Variants in KLHL15 observed in about 807,000 individuals in gnomAD.
The protein encoded by KLHL15 is kelch like family member 15, also known as kelch-like protein 15.
KLHL15 carries 1 observed loss-of-function variant against 29.3 expected under a neutral mutation model. That is an observed-to-expected ratio of 0.03 (90% CI 0.01 to 0.16). The LOEUF is 0.16. KLHL15 is among the 10% of genes least tolerant of loss of function. KLHL15 has a pLI of 1.00. For missense variants in KLHL15, 215 were observed against 478.5 expected (o/e 0.45, Z 5.14); for synonymous variants, 212 against 184.5 (o/e 1.15, Z -1.21).
At chrX:24,004,428 A>G (rs1391352205) in intron 3 of KLHL15, among the ~76,000 whole-genome samples, 2 of 112,237 alleles carry the variant, frequency 1.8e-5, no homozygotes, top group Non-Finnish European at 3.8e-5. Context: ...TAGGAAAAAA[A>G]TCAAAACATC....
intron 3 of KLHL15, 110 bp downstream of exon 3, chrX:24,005,879 A>G: frequency 1.8e-6 from 1 of 551,476 alleles, no homozygotes; most frequent in Non-Finnish European, 3.0e-6. Flanking sequence ...AAGAAATAAC[A>G]AAATGAAGTT....
chrX:24,007,396 G>GA (rs1329232581), intron 2 of KLHL15, among the ~76,000 whole-genome samples: 1 of 103,415 alleles, frequency 9.7e-6, no homozygotes, highest in Non-Finnish European at 2.0e-5. Flanking sequence ...AGGAGGCCAA[G>GA]ACAGGAGAAT....
At chrX:24,005,378 A>G (rs2147104089) in intron 3 of KLHL15, among the ~76,000 whole-genome samples, 1 of 112,506 alleles carries the variant, frequency 8.9e-6, no homozygotes, top group African/African-American at 3.2e-5. Flanking sequence ...TAGAAATGCC[A>G]AAATGATGTT....
At chrX:23,989,482 T>C (rs997259758) in intron 3 of KLHL15, among the ~76,000 whole-genome samples, 8 of 111,680 alleles carry the variant, frequency 7.2e-5, no homozygotes, top group African/African-American at 2.6e-4. Context: ...GCCTCCTATG[T>C]TTTCTTAATT....
chrX:23,986,284 A>AAAACAAAC lies in KLHL15; in HGVS notation c.*1629_*1636dup, dbSNP rs199680569. 6.3e-5 allele frequency: 7 copies of AAAACAAAC among 110,752 alleles called. No homozygotes were observed. Among genetic ancestry groups the AAAACAAAC allele is most frequent in the South Asian group, 3.8e-4 (1 of 2,645 alleles). The allele number at this position is 110,752 out of a possible 1,213,427, so 9.1% of individuals were successfully genotyped here. ...TATGTTCAATGGTGGCAGCAGCAAA[A>AAAACAAAC]AAACAAACAAACAAACAAAAAAACA... is the stretch of plus-strand genomic sequence containing the variant. On this transcript the variant is annotated 3_prime_UTR_variant, in exon 4 of 4. Coordinates refer to ENST00000328046, the MANE Select transcript of KLHL15 (RefSeq NM_030624.3).
intron 2 of KLHL15, 78 bp from the exon 3 acceptor site, chrX:24,006,778 T>C: frequency 1.3e-6 from 1 of 799,768 alleles, no homozygotes; most frequent in Non-Finnish European, 1.8e-6. Context: ...GTTTTAACAA[T>C]TTTTGCTATT....
At chrX:24,018,911 G>A (rs1163509430) in intron 2 of KLHL15, among the ~76,000 whole-genome samples, 1 of 111,410 alleles carries the variant, frequency 9.0e-6, no homozygotes, top group East Asian at 2.8e-4. Flanking sequence ...GGTGAGGCAC[G>A]AGAATTGCTT....
intron 2 of KLHL15, among the ~76,000 whole-genome samples, chrX:24,023,163 C>G (rs954452181): frequency 8.9e-6 from 1 of 111,840 alleles, no homozygotes; most frequent in Admixed American, 9.6e-5. Context: ...GATTATTAAA[C>G]CAAGTGTGGG....
intron 2 of KLHL15, among the ~76,000 whole-genome samples, chrX:24,012,221 A>T (rs150389671): frequency 3.5e-5 from 4 of 112,681 alleles, no homozygotes; most frequent in Middle Eastern, 4.6e-3. Flanking sequence ...CCTATTTGCT[A>T]ATCTGTGTTT....
intron 3 of KLHL15, among the ~76,000 whole-genome samples, chrX:23,994,308 G>A (rs1265264765): frequency 8.9e-6 from 1 of 111,984 alleles, no homozygotes; most frequent in Non-Finnish European, 1.9e-5. Flanking sequence ...TTTTATGCCA[G>A]TGTAAGAAAA....
intron 3 of KLHL15, among the ~76,000 whole-genome samples, chrX:23,994,910 G>A (rs1010038779): frequency 4.5e-5 from 5 of 111,288 alleles, no homozygotes; most frequent in Non-Finnish European, 9.4e-5. Context: ...ATCCTGAGCT[G>A]AAGTGATCTT....
chrX:23,995,975 C>T (rs1929180505), intron 3 of KLHL15, among the ~76,000 whole-genome samples: 1 of 109,820 alleles, frequency 9.1e-6, no homozygotes, highest in South Asian at 3.9e-4. Flanking sequence ...TCTCGAACTC[C>T]TAACCTCAGG....
chrX:24,004,576 A>G (rs1207494779), intron 3 of KLHL15, among the ~76,000 whole-genome samples: 1 of 110,720 alleles, frequency 9.0e-6, no homozygotes, highest in East Asian at 2.8e-4. Flanking sequence ...GTGGATCATG[A>G]GGTCAGGAGT....
chrX:24,026,252 C>T (rs1172927531), intron 1 of KLHL15, among the ~76,000 whole-genome samples: 1 of 111,966 alleles, frequency 8.9e-6, no homozygotes, highest in Non-Finnish European at 1.9e-5. Context: ...CTGCACCACC[C>T]GGAGATAATG....
chrX:23,997,754 AT>A (rs1555975595), intron 3 of KLHL15, among the ~76,000 whole-genome samples: 23 of 67,190 alleles, frequency 3.4e-4, no homozygotes, highest in Non-Finnish European at 4.9e-4. Flanking sequence ...AAAAAAAAAA[AT>A]TTTTTTTTTT....
At chrX:24,002,291 A>C (rs1929344222) in intron 3 of KLHL15, among the ~76,000 whole-genome samples, 1 of 112,293 alleles carries the variant, frequency 8.9e-6, no homozygotes, top group African/African-American at 3.2e-5. Context: ...TCTTCACATC[A>C]CTGAAATTCA....
chrX:24,014,273 G>A (rs964481768), intron 2 of KLHL15, among the ~76,000 whole-genome samples: 1 of 111,167 alleles, frequency 9.0e-6, no homozygotes, highest in African/African-American at 3.3e-5. Flanking sequence ...CACATTTAAT[G>A]AAGATTTAAT....
rs1381788309 is a variant in KLHL15, at chrX:23,991,895, T to C, written c.706-2865A>G. ...AAACAAAAAACAAAACTGAGTATTT[T>C]CCATTCATTTCTTCTATAAATTGCC... is the stretch of plus-strand genomic sequence containing the variant. On this transcript the variant is annotated intron_variant, in intron 3 of 3. Coordinates refer to ENST00000328046, the MANE Select transcript of KLHL15 (RefSeq NM_030624.3). 4.5e-5 allele frequency among the ~76,000 whole-genome samples: 5 copies of C among 112,298 alleles called. No individual in the cohort carries two copies. In the East Asian group the frequency reaches 1.4e-3, roughly 31 times the overall value.
intron 2 of KLHL15, among the ~76,000 whole-genome samples, chrX:24,017,229 A>T (rs753264835): frequency 2.7e-4 from 30 of 109,324 alleles, no homozygotes; most frequent in African/African-American, 7.3e-4. Context: ...AAAAAAAAAA[A>T]ATTAGATTCT....
Sources: allele counts gnomAD v4.1 joint callset (sites outside exome capture counted in the v4.1 genomes callset), GRCh38; gene constraint gnomAD v4.1.1; transcripts MANE v1.5; gene names NCBI Gene and HGNC (gene_info 2026-07-23, HGNC 2026-07-21).